The following ACTN2 variants were observed in gnomAD, a reference collection of about 807,000 sequenced individuals.
ACTN2 encodes alpha-actinin-2.
ACTN2 carries 39 observed loss-of-function variants against 113.8 expected under a neutral mutation model. The observed-to-expected ratio is 0.34, with a 90% CI of 0.27 to 0.45. The LOEUF (loss-of-function observed/expected upper bound fraction) is 0.45. Ranked by LOEUF, ACTN2 falls within the 20% of genes least tolerant of loss-of-function variation. ACTN2 has a pLI of 1.00. For synonymous variants in ACTN2, 429 were observed against 444.1 expected (o/e 0.97, Z 0.43); for missense variants, 992 against 1,177.9 (o/e 0.84, Z 2.31).
chr1:236,711,088 G>T (rs1292050709), intron 1 of ACTN2, among the ~76,000 whole-genome samples: 1 of 152,246 alleles, frequency 6.6e-6, no homozygotes, highest in Non-Finnish European at 1.5e-5. Context: ...GCCCAGGAGA[G>T]TTTCCATCTG....
At chr1:236,726,342 T>G (rs1658549386) in intron 5 of ACTN2, among the ~76,000 whole-genome samples, 1 of 152,164 alleles carries the variant, frequency 6.6e-6, no homozygotes, top group African/African-American at 2.4e-5. Flanking sequence ...CAGGAATGGC[T>G]GTTGTTTCTC....
At chr1:236,760,836 TAGC>T (rs1385073976) in intron 19 of ACTN2, among the ~76,000 whole-genome samples, 176 bp from the exon 20 acceptor site, 1 of 152,206 alleles carries the variant, frequency 6.6e-6, no homozygotes, top group Non-Finnish European at 1.5e-5. Context: ...AATTGTTTGG[TAGC>T]AGTAAACCTT....
At chr1:236,757,694 ATAT>A in intron 18 of ACTN2, 62 bp downstream of exon 18, 1 of 1,593,774 alleles carries the variant, frequency 6.3e-7, no homozygotes, top group Non-Finnish European at 8.6e-7. Context: ...ATCTGAAATA[ATAT>A]GCATGCTCTC....
At chr1:236,742,679 T>C (rs936997109) in intron 10 of ACTN2, among the ~76,000 whole-genome samples, 3 of 152,212 alleles carry the variant, frequency 2.0e-5, no homozygotes, top group Non-Finnish European at 4.4e-5. Context: ...TGATAACAAC[T>C]ATGTTAGTCT....
intron 1 of ACTN2, among the ~76,000 whole-genome samples, chr1:236,701,858 T>A (rs1657687340): frequency 6.6e-6 from 1 of 152,234 alleles, no homozygotes; most frequent in Admixed American, 6.5e-5. Flanking sequence ...ATAAATCATG[T>A]TGAATAGAAC....
intron 4 of ACTN2, among the ~76,000 whole-genome samples, chr1:236,720,587 T>TC (rs1658355731): frequency 6.6e-6 from 1 of 152,288 alleles, no homozygotes; most frequent in Non-Finnish European, 1.5e-5. Flanking sequence ...TTAACTTTCT[T>TC]CCTCCCTATC....
At position 236,744,679 on chromosome 1, in the gene ACTN2, G is replaced by A. The variant is rs772634867; in HGVS notation, c.1309G>A (p.Val437Met). The change falls in exon 12 of 21, where the codon GTG becomes ATG. Residue 437 changes from valine (V) to methionine (M), a missense_variant. Physicochemically the swap from Val to Met is conservative, Grantham distance 21. Transcript: ENST00000366578. ...TTACGAGTCGGCGTCGCTGACAGAG[G>A]TGCGGGCTCTGCTGCGGAAGCACGA... The part of the protein sequence containing the change: ...KDYESASLTE[V>M]RALLRKHEAF... 2 of 1,614,218 alleles carry A rather than the reference G, an allele frequency of 1.2e-6. No homozygotes were observed. The highest frequency in any genetic ancestry group is 2.2e-5 in the East Asian group (1 of 44,866).
In ACTN2 at chr1:236,759,731, A is replaced by G. The variant is rs1354437013; in HGVS notation, c.2309A>G (p.Asn770Ser). The G allele has an allele frequency of 1.2e-6, 2 of 1,614,112 alleles. No individual in the cohort carries two copies. The highest frequency in any genetic ancestry group is 2.2e-5 in the East Asian group (1 of 44,876). Residue 770 changes from asparagine to serine, a missense_variant, in exon 19 of 21, where the codon AAT (asparagine) becomes AGT (serine). Physicochemically the swap from Asn to Ser is conservative, Grantham distance 46. Around this residue, in one of 3 missense-constraint regions of ACTN2, gnomAD observed 736 missense variants for 815.4 expected, o/e 0.90. Coordinates refer to ENST00000366578, the MANE Select transcript of ACTN2 (RefSeq NM_001103.4). ...ASFNHFDRRK[N>S]GLMDHEDFRA... ...CTTTGTTTTTGCCAACAGAGGAAGAATGGCCTGATGGATCATGAGGATTTC... is the reference window on the plus strand; with the variant it reads ...CTTTGTTTTTGCCAACAGAGGAAGAGTGGCCTGATGGATCATGAGGATTTC...
intron 10 of ACTN2, 127 bp from the exon 11 acceptor site, chr1:236,742,769 G>A: frequency 8.2e-7 from 1 of 1,221,378 alleles, no homozygotes; most frequent in Non-Finnish European, 1.2e-6. Context: ...GGTAAGGAAG[G>A]AAAAGAAAAC....
chr1:236,737,286 A>C, intron 9 of ACTN2, 72 bp downstream of exon 9: 6 of 522,304 alleles, frequency 1.1e-5, no homozygotes, highest in Middle Eastern at 4.5e-4. Context: ...GTGAAAAAAT[A>C]CTCCGTGGGG....
At chr1:236,731,904 A>C (rs1461483986) in intron 7 of ACTN2, among the ~76,000 whole-genome samples, 2 of 150,998 alleles carry the variant, frequency 1.3e-5, no homozygotes, top group East Asian at 3.8e-4. Context: ...TGTTTCAAAT[A>C]CTTTTTGTCC....
intron 1 of ACTN2, among the ~76,000 whole-genome samples, chr1:236,693,579 C>T (rs902861043): frequency 6.6e-6 from 1 of 152,146 alleles, no homozygotes; most frequent in African/African-American, 2.4e-5. Context: ...CGAGTGTTAC[C>T]CTTGCCCCCT....
rs752920763 is a variant in ACTN2, at chr1:236,727,661, T to C, written c.537-17T>C. 3 of 1,613,998 alleles carry C rather than the reference T, an allele frequency of 1.9e-6. No individual in the cohort carries two copies. The highest frequency in any genetic ancestry group is 2.5e-6 in the Non-Finnish European group (3 of 1,179,886). On this transcript the variant is annotated splice_polypyrimidine_tract_variant and intron_variant, in intron 5 of 20. Transcript: ENST00000366578. The stretch of plus-strand genomic sequence containing the variant: ...CTCCACTAACACGTGTTCCTGTTCT[T>C]CTCGACGGCTGTGAAGCTGGAAAGA...
At chr1:236,691,914 TAGAA>T (rs1297818085) in intron 1 of ACTN2, among the ~76,000 whole-genome samples, 1 of 152,214 alleles carries the variant, frequency 6.6e-6, no homozygotes, top group Non-Finnish European at 1.5e-5. Flanking sequence ...TATTCAAACT[TAGAA>T]AGTTGGATCC....
intron 1 of ACTN2, among the ~76,000 whole-genome samples, chr1:236,710,932 G>A (rs979645771): frequency 2.0e-5 from 3 of 150,474 alleles, no homozygotes; most frequent in Admixed American, 1.3e-4. Context: ...CCACGAAACC[G>A]GTCCCTGGTG....
chr1:236,733,272 A>T (rs573145473), intron 7 of ACTN2, among the ~76,000 whole-genome samples: 1 of 152,318 alleles, frequency 6.6e-6, no homozygotes, highest in African/African-American at 2.4e-5. Flanking sequence ...CAGTTTATTC[A>T]TGCCTCCCTA....
At chr1:236,746,238 G>A (rs865805737) in intron 12 of ACTN2, among the ~76,000 whole-genome samples, 6 of 152,020 alleles carry the variant, frequency 3.9e-5, no homozygotes, top group African/African-American at 1.4e-4. Context: ...GATTTGGTAG[G>A]GTAGGAGGGG....
chr1:236,739,407 C>G lies in ACTN2; in HGVS notation c.982C>G (p.Arg328Gly). 6.2e-7 allele frequency: 1 copy of G among 1,614,062 alleles called. No individual in the cohort carries two copies. Among genetic ancestry groups the G allele is most frequent in the Non-Finnish European group, 8.5e-7 (1 of 1,180,014 alleles). The change falls in exon 10 of 21, where the codon CGG becomes GGG. Residue 328 changes from arginine to glycine, a missense_variant. By Grantham distance (125) the Arg-to-Gly change is moderately radical (BLOSUM62 -2). This residue lies in a region of ACTN2 where 736 missense variants were observed against 815.4 expected (regional missense o/e 0.90). Coordinates refer to ENST00000366578, the MANE Select transcript of ACTN2 (RefSeq NM_001103.4). ...KKLEDFRDYR[R>G]KHKPPKVQEK... is the part of the protein sequence containing the mutation. ...GCTGGAGGACTTCCGGGATTACCGCCGGAAGCACAAGCCACCCAAGGTGCA... is the reference window on the plus strand; with the variant it reads ...GCTGGAGGACTTCCGGGATTACCGCGGGAAGCACAAGCCACCCAAGGTGCA...
At chr1:236,727,948 C>T (rs989947054) in intron 6 of ACTN2, among the ~76,000 whole-genome samples, 192 bp downstream of exon 6, 1 of 152,130 alleles carries the variant, frequency 6.6e-6, no homozygotes, top group African/African-American at 2.4e-5. Flanking sequence ...AAACACTTAC[C>T]TCTTAAAATC....
Sources: gnomAD v4.1 joint callset for allele counts (sites outside exome capture counted in the v4.1 genomes callset) on GRCh38, gnomAD v4.1.1 for gene constraint, gnomAD v4.1.1 regional missense constraint, MANE v1.5 for transcripts, NCBI Gene and HGNC (gene_info 2026-07-23, HGNC 2026-07-21) for gene names.